Variants in LRFN5 observed in about 807,000 individuals in gnomAD.
LRFN5 encodes the protein leucine rich repeat and fibronectin type III domain containing 5, also known as leucine-rich repeat and fibronectin type-III domain-containing protein 5.
In LRFN5, 24 loss-of-function variants were observed where a neutral mutation model predicts 45.6. The ratio of observed to expected loss-of-function variants is 0.53; its 90% CI spans 0.38 to 0.74. LRFN5 has a LOEUF of 0.74. Ranked by LOEUF, LRFN5 falls within the 30% of genes least tolerant of loss-of-function variation. The probability of loss-of-function intolerance (pLI) is 0.00; values close to 1 mark genes in which losing one functional copy is unlikely to be tolerated. For synonymous variants in LRFN5, 340 were observed against 313.8 expected (o/e 1.08, Z -0.88); for missense variants, 776 against 861.5 (o/e 0.90, Z 1.24).
intron 1 of LRFN5, among the ~76,000 whole-genome samples, chr14:41,676,891 A>G (rs796648683): frequency 2.6e-5 from 4 of 152,328 alleles, no homozygotes; most frequent in African/African-American, 9.6e-5. Flanking sequence ...CCTTCTTGGA[A>G]GCAATGAGAG....
chr14:41,867,620 C>A (rs1222209818), intron 2 of LRFN5, among the ~76,000 whole-genome samples: 5 of 152,106 alleles, frequency 3.3e-5, no homozygotes, highest in Admixed American at 6.6e-5. Context: ...TGTACATCAT[C>A]CCAGCTGATT....
chr14:41,817,345 C>A (rs966686855), intron 2 of LRFN5, among the ~76,000 whole-genome samples: 1 of 151,784 alleles, frequency 6.6e-6, no homozygotes, highest in African/African-American at 2.4e-5. Flanking sequence ...GTACTTTGTA[C>A]TTGATAACTG....
intron 1 of LRFN5, among the ~76,000 whole-genome samples, chr14:41,743,527 T>A (rs1477802350): frequency 2.6e-5 from 4 of 152,168 alleles, no homozygotes; most frequent in African/African-American, 9.7e-5. Context: ...TACTAGAGAT[T>A]GGGGAAGGAT....
intron 2 of LRFN5, among the ~76,000 whole-genome samples, chr14:41,864,278 A>G (rs1376432796): frequency 6.6e-6 from 1 of 151,924 alleles, no homozygotes; most frequent in Non-Finnish European, 1.5e-5. Context: ...ACTAATTTAC[A>G]CTCCCGCCAA....
intron 1 of LRFN5, among the ~76,000 whole-genome samples, chr14:41,702,480 A>G (rs968080144): frequency 6.6e-6 from 1 of 152,022 alleles, no homozygotes; most frequent in African/African-American, 2.4e-5. Context: ...TTTGTTTTTT[A>G]GAGACAGGGT....
chr14:41,682,015 A>C (rs536538186), intron 1 of LRFN5, among the ~76,000 whole-genome samples: 578 of 151,764 alleles, frequency 3.8e-3, no homozygotes, highest in Non-Finnish European at 6.0e-3. Flanking sequence ...ACAGGGTTTC[A>C]CCATATTGTC....
At chr14:41,853,603 G>C (rs1431538130) in intron 2 of LRFN5, among the ~76,000 whole-genome samples, 1 of 152,052 alleles carries the variant, frequency 6.6e-6, no homozygotes, top group East Asian at 1.9e-4. Flanking sequence ...TTATATTTGA[G>C]ATATTATTAA....
At chr14:41,671,781 G>A (rs867641197) in intron 1 of LRFN5, among the ~76,000 whole-genome samples, 1 of 151,834 alleles carries the variant, frequency 6.6e-6, no homozygotes, top group African/African-American at 2.4e-5. Flanking sequence ...ATCATGCCCG[G>A]CTAATTTTGT....
At chr14:41,746,955 A>C (rs1884946040) in intron 1 of LRFN5, among the ~76,000 whole-genome samples, 1 of 152,014 alleles carries the variant, frequency 6.6e-6, no homozygotes, top group East Asian at 1.9e-4. Context: ...TTCCATTTAC[A>C]ATACCATCAG....
intron 2 of LRFN5, among the ~76,000 whole-genome samples, chr14:41,838,402 C>T (rs1487300293): frequency 6.6e-6 from 1 of 152,158 alleles, no homozygotes; most frequent in Non-Finnish European, 1.5e-5. Flanking sequence ...AAGAGAGGTT[C>T]TATGCTTTTC....
intron 1 of LRFN5, among the ~76,000 whole-genome samples, chr14:41,719,902 A>C (rs1883644281): frequency 6.6e-6 from 1 of 152,018 alleles, no homozygotes; most frequent in South Asian, 2.1e-4. Context: ...TTCCTCATAT[A>C]TGTATATCTG....
At chr14:41,639,061 G>A (rs1879439779) in intron 1 of LRFN5, among the ~76,000 whole-genome samples, 1 of 151,984 alleles carries the variant, frequency 6.6e-6, no homozygotes, top group African/African-American at 2.4e-5. Flanking sequence ...TACCTGAAAA[G>A]TGACAGAAAT....
intron 1 of LRFN5, among the ~76,000 whole-genome samples, chr14:41,710,696 T>G (rs1484796377): frequency 1.3e-5 from 2 of 152,150 alleles, no homozygotes; most frequent in Non-Finnish European, 2.9e-5. Context: ...TGTATACACA[T>G]GCCAAGCTGG....
At chr14:41,640,193 C>T (rs898104925) in intron 1 of LRFN5, among the ~76,000 whole-genome samples, 5 of 151,890 alleles carry the variant, frequency 3.3e-5, no homozygotes, top group South Asian at 2.1e-4. Flanking sequence ...TTTCATTGTC[C>T]GTCTGAAGGC....
chr14:41,734,009 T>A (rs576018626), intron 1 of LRFN5, among the ~76,000 whole-genome samples: 1,734 of 140,158 alleles, frequency 0.012, 46 homozygotes, highest in African/African-American at 0.044. Flanking sequence ...ATATATATAT[T>A]TTTTCTTTTC....
intron 1 of LRFN5, among the ~76,000 whole-genome samples, chr14:41,641,462 A>T (rs1270988270): frequency 6.6e-6 from 1 of 152,114 alleles, no homozygotes; most frequent in African/African-American, 2.4e-5. Context: ...TAGCTATTTT[A>T]TAACACATTT....
chr14:41,662,608 G>A (rs1270722577), intron 1 of LRFN5, among the ~76,000 whole-genome samples: 1 of 151,960 alleles, frequency 6.6e-6, no homozygotes, highest in African/African-American at 2.4e-5. Context: ...AGCATCTATT[G>A]TGGGCCTGGA....
chr14:41,878,963 T>C (rs1347921499), intron 2 of LRFN5, among the ~76,000 whole-genome samples: 3 of 152,102 alleles, frequency 2.0e-5, no homozygotes, highest in South Asian at 4.1e-4. Flanking sequence ...TATTTTTAAA[T>C]AAACTTTGAA....
At chr14:41,788,213 G>C (rs1886797116) in intron 2 of LRFN5, among the ~76,000 whole-genome samples, 1 of 152,076 alleles carries the variant, frequency 6.6e-6, no homozygotes, top group Non-Finnish European at 1.5e-5. Flanking sequence ...AGACTTACTT[G>C]AATCTATTTC....
Sources: allele counts gnomAD v4.1 joint callset (sites outside exome capture counted in the v4.1 genomes callset), GRCh38; gene constraint gnomAD v4.1.1; transcripts MANE v1.5; gene names NCBI Gene and HGNC (gene_info 2026-07-23, HGNC 2026-07-21).